FOXJ3: variants seen among roughly 807,000 people sequenced by gnomAD.
FOXJ3 encodes the protein forkhead box protein J3.
In FOXJ3, 22 loss-of-function variants were observed where a neutral mutation model predicts 76.1. The observed-to-expected ratio is 0.29, with a 90% CI of 0.21 to 0.41. FOXJ3 has a LOEUF of 0.41. FOXJ3 is among the 10% of genes least tolerant of loss of function. FOXJ3 has a pLI of 1.00. For missense variants in FOXJ3, 613 were observed against 762.1 expected (o/e 0.80, Z 2.30); for synonymous variants, 269 against 261.2 (o/e 1.03, Z -0.29).
intron 5 of FOXJ3, among the ~76,000 whole-genome samples, chr1:42,225,411 C>CACT (rs1259492055): frequency 6.6e-6 from 1 of 152,102 alleles, no homozygotes; most frequent in Non-Finnish European, 1.5e-5. Context: ...TATAACCTCT[C>CACT]ACTTCCCACT....
At chr1:42,202,915 C>T (rs544104955) in intron 6 of FOXJ3, among the ~76,000 whole-genome samples, 21 of 152,294 alleles carry the variant, frequency 1.4e-4, no homozygotes, top group African/African-American at 4.8e-4. Context: ...GAAAGGCATG[C>T]TTAAATCTAT....
At chr1:42,237,303 A>T in intron 4 of FOXJ3, among the ~76,000 whole-genome samples, 1 of 151,486 alleles carries the variant, frequency 6.6e-6, no homozygotes, top group Non-Finnish European at 1.5e-5. Context: ...TGAACCCGGG[A>T]GGCGGTGCTT....
At chr1:42,219,618 G>A (rs1406390690) in intron 5 of FOXJ3, among the ~76,000 whole-genome samples, 1 of 152,126 alleles carries the variant, frequency 6.6e-6, no homozygotes, top group Non-Finnish European at 1.5e-5. Flanking sequence ...AGAAACTTTA[G>A]GTCTTTAAAT....
At chr1:42,285,738 C>T (rs1052843639) in intron 2 of FOXJ3, among the ~76,000 whole-genome samples, 1 of 152,126 alleles carries the variant, frequency 6.6e-6, no homozygotes, top group African/African-American at 2.4e-5. Flanking sequence ...GGACTTATTA[C>T]TCTGCCAGGG....
chr1:42,191,649 G>C lies in FOXJ3; in HGVS notation c.1005C>G (p.Ser335Arg). ...HTSCTYQHSP[S>R]STVSTHPHSN... ...TGTGTGGGTGAGTGCTCACTGTACT[G>C]CTGGGAGAGTGCTGATAGGTACATG... Residue 335 changes from serine to arginine, a missense_variant, in exon 9 of 13, where the codon AGC becomes AGG. Ser to Arg is a moderately radical substitution (Grantham distance 110). Transcript: ENST00000361346. The C allele has an allele frequency of 6.2e-7, 1 of 1,614,158 alleles. No homozygotes were observed. Among genetic ancestry groups the C allele is most frequent in the Non-Finnish European group, 8.5e-7 (1 of 1,180,020 alleles).
rs568775372 is a variant in FOXJ3 at position 42,277,306 on chromosome 1, T to C, written c.369+1042A>G. Among the ~76,000 whole-genome samples the C allele has an allele frequency of 5.3e-5, 8 of 151,128 alleles. No homozygotes were observed. In the South Asian group the frequency reaches 1.0e-3, roughly 20 times the overall value. The stretch of plus-strand genomic sequence containing the variant: ...AGGAAATTTAAAAATTAGCTGGCCA[T>C]GGTGGCGTGCTCAGGCACTCGACCT... On this transcript the variant is annotated intron_variant, in intron 3 of 12. Transcript: ENST00000361346.
At chr1:42,311,222 A>G (rs1260967344) in intron 1 of FOXJ3, 112 bp from the exon 2 acceptor site, 6 of 668,746 alleles carry the variant, frequency 9.0e-6, no homozygotes, top group Admixed American at 3.4e-5. Context: ...ATGTTCTACT[A>G]AAGAATTCTA....
At chr1:42,248,728 T>C (rs1230161084) in intron 4 of FOXJ3, among the ~76,000 whole-genome samples, 1 of 118,724 alleles carries the variant, frequency 8.4e-6, no homozygotes, top group South Asian at 2.7e-4. Flanking sequence ...CTCCTGTTTT[T>C]TCTTTTTTTT....
chr1:42,259,906 T>A (rs1650902405), intron 4 of FOXJ3, among the ~76,000 whole-genome samples: 1 of 152,142 alleles, frequency 6.6e-6, no homozygotes, highest in South Asian at 2.1e-4. Context: ...GCTAGCAACC[T>A]CATCTATTCA....
intron 8 of FOXJ3, 84 bp from the exon 9 acceptor site, chr1:42,191,803 G>C: frequency 7.0e-7 from 1 of 1,425,246 alleles, no homozygotes. Flanking sequence ...CATAACAAAA[G>C]CATATGATGC....
At chr1:42,304,572 T>C (rs1292727191) in intron 2 of FOXJ3, among the ~76,000 whole-genome samples, 2 of 152,128 alleles carry the variant, frequency 1.3e-5, no homozygotes, top group Admixed American at 6.5e-5. Context: ...TGGAACAGGA[T>C]AGAGAACCCA....
intron 5 of FOXJ3, among the ~76,000 whole-genome samples, chr1:42,208,883 G>C (rs1646911436): frequency 6.6e-6 from 1 of 152,120 alleles, no homozygotes; most frequent in Non-Finnish European, 1.5e-5. Flanking sequence ...CCACACATGA[G>C]CAAAAGCATC....
At chr1:42,192,457 AAAAG>A (rs1481287871) in intron 8 of FOXJ3, among the ~76,000 whole-genome samples, 2 of 152,354 alleles carry the variant, frequency 1.3e-5, no homozygotes, top group African/African-American at 4.8e-5. Context: ...GTTAGTTTTT[AAAAG>A]AAACTATTAT....
chr1:42,316,167 T>A (rs1266332581), intron 1 of FOXJ3, among the ~76,000 whole-genome samples: 1 of 152,052 alleles, frequency 6.6e-6, no homozygotes, highest in East Asian at 1.9e-4. Flanking sequence ...AAGCTCTGAA[T>A]AAGTTCGTTT....
At chr1:42,230,063 C>T (rs901078241) in intron 4 of FOXJ3, among the ~76,000 whole-genome samples, 1 of 152,072 alleles carries the variant, frequency 6.6e-6, no homozygotes, top group African/African-American at 2.4e-5. Context: ...TGGCTTGTCA[C>T]AAATAAATCA....
chr1:42,293,144 A>T (rs1267423798), intron 2 of FOXJ3, among the ~76,000 whole-genome samples: 1 of 152,208 alleles, frequency 6.6e-6, no homozygotes, highest in Non-Finnish European at 1.5e-5. Context: ...TGGAATAAGT[A>T]AAGATTTCTC....
In FOXJ3 at chr1:42,238,555, T is replaced by C. The variant is rs138418459; in HGVS notation, c.445-10589A>G. ...CACGCCAATTTCTAAAAATGAAACC[T>C]ATGAGGAATTATTTTTTCCCTTTTT... is the stretch of plus-strand genomic sequence containing the variant. On this transcript the variant is annotated intron_variant, in intron 4 of 12. Transcript: ENST00000361346. 1.2e-4 allele frequency among the ~76,000 whole-genome samples: 18 copies of C among 152,194 alleles called. 1 individual carries two copies. In the East Asian group the frequency reaches 3.5e-3, roughly 30 times the overall value.
intron 4 of FOXJ3, among the ~76,000 whole-genome samples, chr1:42,237,137 A>C (rs1648709288): frequency 6.6e-6 from 1 of 151,924 alleles, no homozygotes; most frequent in Non-Finnish European, 1.5e-5. Context: ...GCACTCTCGG[A>C]GGCCGAGGGG....
rs71065173 is a variant in FOXJ3 at position 42,316,333 on chromosome 1, C to CTTTTTTTTTTTTTTTTT, written c.-17-5224_-17-5223insAAAAAAAAAAAAAAAAA. Among the ~76,000 whole-genome samples, 25 of 73,908 alleles carry CTTTTTTTTTTTTTTTTT rather than the reference C, an allele frequency of 3.4e-4. 4 individuals carry two copies. Among genetic ancestry groups the CTTTTTTTTTTTTTTTTT allele is most frequent in the South Asian group, 9.6e-4 (2 of 2,074 alleles). The allele number at this position is 73,908 out of a possible 152,430, so 48.5% of individuals were successfully genotyped here. ...ACAGGTGCACACCACTGCATTGGGC[C>CTTTTTTTTTTTTTTTTT]TTTTTTTTTTTTTTTTCTGTAGAAA... is the stretch of plus-strand genomic sequence containing the variant. On this transcript the variant is annotated intron_variant, in intron 1 of 12. Coordinates refer to ENST00000361346, the MANE Select transcript of FOXJ3 (RefSeq NM_014947.5).
Sources: gnomAD v4.1 joint callset for allele counts (sites outside exome capture counted in the v4.1 genomes callset) on GRCh38, gnomAD v4.1.1 for gene constraint, MANE v1.5 for transcripts, NCBI Gene and HGNC (gene_info 2026-07-23, HGNC 2026-07-21) for gene names.